Variants in SORT1 observed in about 807,000 individuals in gnomAD.
The protein encoded by SORT1 is sortilin 1, also known as sortilin.
In SORT1, 39 loss-of-function variants were observed where a neutral mutation model predicts 101.7. The observed-to-expected ratio is 0.38, with a 90% CI of 0.30 to 0.50. SORT1 has a LOEUF of 0.50. Ranked by LOEUF, SORT1 falls within the 20% of genes least tolerant of loss-of-function variation. The pLI, the probability that SORT1 is intolerant of heterozygous loss-of-function variation, is 0.90. For missense variants in SORT1, 878 were observed against 1,040.4 expected (o/e 0.84, Z 2.15); for synonymous variants, 396 against 393.7 (o/e 1.01, Z -0.07).
At chr1:109,385,396 C>CA (rs1256900281) in intron 1 of SORT1, among the ~76,000 whole-genome samples, 1 of 152,106 alleles carries the variant, frequency 6.6e-6, no homozygotes, top group Non-Finnish European at 1.5e-5. Context: ...AGCAAGCAAA[C>CA]AAAAAACCTT....
intron 8 of SORT1, among the ~76,000 whole-genome samples, chr1:109,344,730 C>T (rs1473155407): frequency 6.6e-6 from 1 of 152,160 alleles, no homozygotes; most frequent in Non-Finnish European, 1.5e-5. Context: ...GGGTCTTGTG[C>T]TGTTACCCAG....
At chr1:109,355,049 C>A (rs1255506486) in intron 4 of SORT1, among the ~76,000 whole-genome samples, 1 of 151,822 alleles carries the variant, frequency 6.6e-6, no homozygotes, top group East Asian at 1.9e-4. Context: ...CATGGCAAAA[C>A]CCTCTACAAA....
At chr1:109,390,939 A>G (rs887519150) in intron 1 of SORT1, among the ~76,000 whole-genome samples, 1 of 152,186 alleles carries the variant, frequency 6.6e-6, no homozygotes, top group Non-Finnish European at 1.5e-5. Context: ...TTAATCACAT[A>G]TAAGTTTCTA....
intron 18 of SORT1, 130 bp from the exon 19 acceptor site, chr1:109,314,514 A>G: frequency 8.1e-7 from 1 of 1,235,640 alleles, no homozygotes; most frequent in Non-Finnish European, 1.1e-6. Context: ...TCCATGGTTG[A>G]CATATGAAAA....
At chr1:109,373,620 C>A (rs891862445) in intron 1 of SORT1, among the ~76,000 whole-genome samples, 10 of 152,150 alleles carry the variant, frequency 6.6e-5, no homozygotes, top group African/African-American at 2.4e-4. Context: ...AGAAAAATAA[C>A]CCCAGACTTA....
intron 1 of SORT1, among the ~76,000 whole-genome samples, chr1:109,378,739 T>C (rs1365079522): frequency 1.1e-5 from 1 of 88,008 alleles, no homozygotes; most frequent in Non-Finnish European, 2.3e-5. Flanking sequence ...TATATATATA[T>C]ATATATATAT....
At chr1:109,340,146 CAAAAAAAAA>C (rs34790280) in intron 10 of SORT1, among the ~76,000 whole-genome samples, 2 of 96,298 alleles carry the variant, frequency 2.1e-5, no homozygotes, top group Non-Finnish European at 4.1e-5. Flanking sequence ...GATTCCATCT[CAAAAAAAAA>C]AAAAAAAAAG....
intron 10 of SORT1, 36 bp from the exon 11 acceptor site, chr1:109,336,382 C>T (rs1224925226): frequency 7.8e-7 from 1 of 1,278,680 alleles, no homozygotes; most frequent in East Asian, 2.3e-5. Context: ...GTCTGATACA[C>T]TGGAAGTACC....
At chr1:109,359,271 G>C (rs960865789) in intron 3 of SORT1, among the ~76,000 whole-genome samples, 3 of 152,116 alleles carry the variant, frequency 2.0e-5, no homozygotes, top group African/African-American at 7.2e-5. Flanking sequence ...TAATCCCACT[G>C]GTGAAGGTTC....
intron 4 of SORT1, 147 bp from the exon 5 acceptor site, chr1:109,354,678 C>G (rs1043959611): frequency 2.2e-5 from 14 of 635,262 alleles, no homozygotes; most frequent in Non-Finnish European, 3.8e-5. Context: ...TTGTTCCACT[C>G]TACCCCTTGG....
chr1:109,349,078 C>T (rs1649799502), intron 6 of SORT1, among the ~76,000 whole-genome samples: 1 of 152,180 alleles, frequency 6.6e-6, no homozygotes, highest in South Asian at 2.1e-4. Context: ...GGTACGGTGG[C>T]TCATGCCCTG....
At chr1:109,330,633 A>G (rs750149478) in intron 11 of SORT1, among the ~76,000 whole-genome samples, 17 of 152,202 alleles carry the variant, frequency 1.1e-4, no homozygotes, top group Non-Finnish European at 2.1e-4. Context: ...CAGAGCAGAA[A>G]TAACTGAAAT....
chr1:109,395,799 G>T (rs1276504123), intron 1 of SORT1, among the ~76,000 whole-genome samples: 1 of 152,138 alleles, frequency 6.6e-6, no homozygotes, highest in African/African-American at 2.4e-5. Context: ...TCCAGGCAGG[G>T]CATAGTGGCT....
At position 109,340,872 on chromosome 1, in the gene SORT1, C is replaced by T; in HGVS notation, c.1116G>A (p.Gly372=). 3 of 1,610,700 alleles carry T rather than the reference C, an allele frequency of 1.9e-6. No individual in the cohort carries two copies. The highest frequency in any genetic ancestry group is 1.1e-5 in the South Asian group (1 of 90,732). ...CATCTGAGGTAAAGATTGTGCCAAA[C>T]CCAGTGTCTGAAATAGGCAAACAAA... ...FMHVDEPGDT[G]FGTIFTSDDR... Residue 372 remains glycine (G), a synonymous_variant, in exon 10 of 20, where the codon GGG becomes GGA. Transcript: ENST00000256637.
chr1:109,348,641 A>C (rs1488083975), intron 6 of SORT1, among the ~76,000 whole-genome samples: 2 of 151,662 alleles, frequency 1.3e-5, no homozygotes, highest in Non-Finnish European at 2.9e-5. Context: ...GGTGTGCACC[A>C]CCATGCTTGG....
At chr1:109,317,768 T>C (rs1445170441) in intron 16 of SORT1, 85 bp downstream of exon 16, 4 of 930,840 alleles carry the variant, frequency 4.3e-6, no homozygotes, top group Non-Finnish European at 6.8e-6. Flanking sequence ...AAAGTAGGGC[T>C]TGGATCTCAG....
At position 109,354,379 on chromosome 1, in the gene SORT1, A is replaced by C; in HGVS notation, c.696T>G (p.Ala232=). 6.2e-7 allele frequency: 1 copy of C among 1,613,504 alleles called. No homozygotes were observed. Among genetic ancestry groups the C allele is most frequent in the Non-Finnish European group, 8.5e-7 (1 of 1,179,572 alleles). The stretch of plus-strand genomic sequence containing the variant: ...CAACTGGACTTACTTCAGTGCTGAG[A>C]GCTAAAAGATAATCAGAATTCTGAG... The part of the protein sequence containing the change: ...YSPQNSDYLL[A]LSTENGLWVS... Residue 232 remains alanine (A), a synonymous_variant, in exon 5 of 20, where the codon GCT becomes GCG. Transcript: ENST00000256637.
At chr1:109,338,470 T>G (rs964678489) in intron 10 of SORT1, among the ~76,000 whole-genome samples, 23 of 152,290 alleles carry the variant, frequency 1.5e-4, no homozygotes, top group African/African-American at 5.3e-4. Context: ...TTTAAGAGTC[T>G]TTGTACTTGA....
intron 15 of SORT1, among the ~76,000 whole-genome samples, chr1:109,318,240 G>A (rs985367455): frequency 2.0e-5 from 3 of 148,358 alleles, no homozygotes; most frequent in Middle Eastern, 3.2e-3. Context: ...TGCAACCTCC[G>A]CCTCCGGCTT....
Sources: allele counts gnomAD v4.1 joint callset (sites outside exome capture counted in the v4.1 genomes callset), GRCh38; gene constraint gnomAD v4.1.1; transcripts MANE v1.5; gene names NCBI Gene and HGNC (gene_info 2026-07-23, HGNC 2026-07-21).